The following GPATCH8 variants were observed in gnomAD, a reference collection of about 807,000 sequenced individuals.
GPATCH8 encodes the protein G patch domain-containing protein 8.
Under a neutral mutation model 118.3 loss-of-function variants are expected in GPATCH8, and 18 were observed. The observed-to-expected ratio is 0.15, with a 90% CI of 0.11 to 0.23. The LOEUF is 0.23. GPATCH8 is among the 10% of genes least tolerant of loss of function. GPATCH8 has a pLI of 1.00. For synonymous variants in GPATCH8, 659 were observed against 684.7 expected, an observed-to-expected ratio of 0.96 and a Z score of 0.59; for missense variants, 1,631 against 1,873.8, an observed-to-expected ratio of 0.87 and a Z score of 2.39.
At chr17:44,429,724 C>T (rs532090442) in intron 5 of GPATCH8, among the ~76,000 whole-genome samples, 12 of 149,542 alleles carry the variant, frequency 8.0e-5, no homozygotes, top group African/African-American at 2.9e-4. Flanking sequence ...ACCAGCTGAG[C>T]ATGGTGGCAC....
chr17:44,464,558 C>G lies in GPATCH8; in HGVS notation c.121-14G>C. On this transcript the variant is annotated splice_polypyrimidine_tract_variant and intron_variant, in intron 2 of 7. Coordinates refer to ENST00000591680, the MANE Select transcript of GPATCH8 (RefSeq NM_001002909.4). ...TCCAATATTATCCTGACAGACAGAA[C>G]AGAGAGACAAACCAAAAATATTCCA... 1 of 1,537,780 alleles carries G rather than the reference C, an allele frequency of 6.5e-7. No individual in the cohort carries two copies. The highest frequency in any genetic ancestry group is 9.0e-7 in the Non-Finnish European group (1 of 1,111,796).
intron 1 of GPATCH8, among the ~76,000 whole-genome samples, chr17:44,497,242 A>G (rs1969723156): frequency 1.3e-5 from 2 of 152,222 alleles, no homozygotes; most frequent in Non-Finnish European, 1.5e-5. Context: ...AAAACTTTAC[A>G]TAGGTTTCTG....
rs754711234 is a variant in GPATCH8 at position 44,398,967 on chromosome 17, T to C, written c.3110A>G (p.His1037Arg). Residue 1037 changes from histidine to arginine, a missense_variant, in exon 8 of 8, where the codon CAC (histidine) becomes CGC (arginine). Physicochemically the swap from His to Arg is conservative, Grantham distance 29 (BLOSUM62 0). Coordinates refer to ENST00000591680, the MANE Select transcript of GPATCH8 (RefSeq NM_001002909.4). The stretch of plus-strand genomic sequence containing the variant: ...TTCTCCCCGGCCTGATCGGAAATAG[T>C]GGGGGGACTGGGAGCGGTAGATCTT... Reference protein sequence around the residue: ...RSKIYRSQSPHYFRSGRGEGP... With the variant: ...RSKIYRSQSPRYFRSGRGEGP... 5 of 1,613,990 alleles carry C rather than the reference T, an allele frequency of 3.1e-6. No individual in the cohort carries two copies. The Admixed American group carries it at 8.3e-5, about 27-fold the overall frequency.
Position 44,398,028 on chromosome 17 carries a change from G to A in GPATCH8, c.4049C>T (p.Ala1350Val), listed in dbSNP as rs1415375080. ...GGGTTGCAGGGCTGGTGTGGCTGGG[G>A]CCAGGGCAGCTGAGGCTGGAAAGGC... Reference protein sequence around the residue: ...VKAFPASAALAPATPALQPIH... With the variant: ...VKAFPASAALVPATPALQPIH... Residue 1350 changes from alanine (A) to valine (V), a missense_variant, in exon 8 of 8, where the codon GCC (alanine) becomes GTC (valine). Physicochemically the swap from Ala to Val is moderately conservative, Grantham distance 64. Around this residue, in one of 8 missense-constraint regions of GPATCH8, gnomAD observed 111 missense variants for 112.4 expected, o/e 0.99. Transcript: ENST00000591680. The A allele has an allele frequency of 6.2e-7, 1 of 1,613,956 alleles. No individual in the cohort carries two copies. Among genetic ancestry groups the A allele is most frequent in the East Asian group, 2.2e-5 (1 of 44,872 alleles).
intron 3 of GPATCH8, among the ~76,000 whole-genome samples, chr17:44,454,030 T>A (rs765900482): frequency 2.0e-5 from 3 of 152,216 alleles, no homozygotes; most frequent in Non-Finnish European, 4.4e-5. Context: ...CTACTCTTTG[T>A]CAACTGCAAT....
chr17:44,480,117 G>A (rs1051763436), intron 1 of GPATCH8, among the ~76,000 whole-genome samples: 3 of 151,740 alleles, frequency 2.0e-5, no homozygotes, highest in Non-Finnish European at 4.4e-5. Context: ...TCTCAAAAGA[G>A]GGGAAAAAAA....
At chr17:44,437,290 AATTG>A (rs2050545444) in intron 3 of GPATCH8, among the ~76,000 whole-genome samples, 1 of 152,182 alleles carries the variant, frequency 6.6e-6, no homozygotes, top group African/African-American at 2.4e-5. Context: ...ACTTTAAACT[AATTG>A]ATCTATGCTG....
intron 1 of GPATCH8, among the ~76,000 whole-genome samples, chr17:44,500,320 T>C (rs1244328968): frequency 1.2e-4 from 18 of 152,198 alleles, no homozygotes; most frequent in Admixed American, 1.2e-3. Flanking sequence ...TAACAGTACC[T>C]ACCTCGTAGG....
At chr17:44,464,334 A>G (rs929663720) in intron 3 of GPATCH8, 138 bp downstream of exon 3, 3 of 750,684 alleles carry the variant, frequency 4.0e-6, no homozygotes, top group Non-Finnish European at 2.5e-6. Flanking sequence ...TTATAGGACA[A>G]ACAGACTACT....
chr17:44,471,312 A>G (rs1432088057), intron 2 of GPATCH8, among the ~76,000 whole-genome samples: 1 of 152,244 alleles, frequency 6.6e-6, no homozygotes, highest in African/African-American at 2.4e-5. Context: ...GAAGTTCACT[A>G]AAAGCATAAT....
chr17:44,480,531 C>T (rs1021115066), intron 1 of GPATCH8, among the ~76,000 whole-genome samples: 2 of 152,044 alleles, frequency 1.3e-5, no homozygotes, highest in Non-Finnish European at 2.9e-5. Context: ...GCCTGACCAA[C>T]ATGGAGAAAC....
At chr17:44,483,180 T>A (rs932579245) in intron 1 of GPATCH8, among the ~76,000 whole-genome samples, 909 of 10,476 alleles carry the variant, frequency 0.087, 80 homozygotes, top group Non-Finnish European at 0.1. Flanking sequence ...AAAAAAAATA[T>A]ATATATATAT....
chr17:44,398,717 C>A lies in GPATCH8; in HGVS notation c.3360G>T (p.Gly1120=). The change falls in exon 8 of 8, where the codon GGG becomes GGT. Residue 1120 remains glycine, a synonymous_variant. Transcript: ENST00000591680. ...EEVQATPNKA[G]PKLKDPPQGY... ...CTTGTGGGGGGTCCTTGAGCTTGGG[C>A]CCAGCTTTATTAGGGGTGGCCTGCA... is the stretch of plus-strand genomic sequence containing the variant. The A allele has an allele frequency of 6.2e-7, 1 of 1,605,664 alleles. No individual in the cohort carries two copies. The highest frequency in any genetic ancestry group is 8.5e-7 in the Non-Finnish European group (1 of 1,174,566).
At chr17:44,428,929 C>T (rs2050190366) in intron 5 of GPATCH8, among the ~76,000 whole-genome samples, 3 of 151,888 alleles carry the variant, frequency 2.0e-5, no homozygotes, top group African/African-American at 4.8e-5. Context: ...TTCACGAGGT[C>T]AGGAGATCGA....
Position 44,398,509 on chromosome 17 carries a change from CAAA to C in GPATCH8, c.3565_3567del (p.Phe1189del). ...GTTTCCTCTGAAGGGAACTGATGCCCAAATAGGGCATCACTACTCCCTGGGGGC... is the reference window on the plus strand; with the variant it reads ...GTTTCCTCTGAAGGGAACTGATGCCCTAGGGCATCACTACTCCCTGGGGGC... On this transcript the variant is annotated inframe_deletion, in exon 8 of 8. Coordinates refer to ENST00000591680, the MANE Select transcript of GPATCH8 (RefSeq NM_001002909.4). 3 of 1,602,868 alleles carry C rather than the reference CAAA, an allele frequency of 1.9e-6. No homozygotes were observed. The highest frequency in any genetic ancestry group is 2.6e-6 in the Non-Finnish European group (3 of 1,174,784).
At chr17:44,450,930 A>T (rs2051090294) in intron 3 of GPATCH8, among the ~76,000 whole-genome samples, 2 of 152,158 alleles carry the variant, frequency 1.3e-5, no homozygotes, top group South Asian at 4.1e-4. Flanking sequence ...AAAAATTTGA[A>T]ATTATAACTT....
chr17:44,466,976 T>G (rs2051793810), intron 2 of GPATCH8: 1 of 319,052 alleles, frequency 3.1e-6, no homozygotes, highest in African/African-American at 2.1e-5. Context: ...TTTGGCTAAG[T>G]GGAGATGAGA....
Position 44,474,899 on chromosome 17 carries a change from T to C in GPATCH8, c.50A>G (p.Asn17Ser). 3 of 1,513,474 alleles carry C rather than the reference T, an allele frequency of 2.0e-6. No individual in the cohort carries two copies. The highest frequency in any genetic ancestry group is 2.3e-5 in the East Asian group (1 of 44,354). The allele number at this position is 1,513,474 out of a possible 1,614,324, so 93.8% of individuals were successfully genotyped here. Residue 17 changes from asparagine (N) to serine (S), a missense_variant, in exon 2 of 8, where the codon AAT becomes AGT. This residue lies in a region of GPATCH8 where 28 missense variants were observed against 33.9 expected (regional missense o/e 0.83). Transcript: ENST00000591680. ...RFNEDRDFQG[N>S]HFDQYEEGHL... ...TCCTTCCTCATACTGATCAAAGTGA[T>C]TACCCTGAAAAAAGATGATTACAGT...
Position 44,398,517 on chromosome 17 carries a change from G to A in GPATCH8, c.3560C>T (p.Ala1187Val), listed in dbSNP as rs949919910. 1.0e-5 allele frequency: 16 copies of A among 1,601,174 alleles called. No individual in the cohort carries two copies. The Admixed American group carries it at 2.2e-4, about 22-fold the overall frequency. ...TEEGPPGSSD[A>V]LFGHQFPSEE... ...TGAAGGGAACTGATGCCCAAATAGG[G>A]CATCACTACTCCCTGGGGGCCCCTC... Residue 1187 changes from alanine to valine, a missense_variant, in exon 8 of 8, where the codon GCC becomes GTC. Ala to Val is a moderately conservative substitution (Grantham distance 64). Transcript: ENST00000591680.
Sources: allele counts gnomAD v4.1 joint callset (sites outside exome capture counted in the v4.1 genomes callset), GRCh38; gene constraint gnomAD v4.1.1; regional missense constraint gnomAD v4.1.1; transcripts MANE v1.5; gene names NCBI Gene and HGNC (gene_info 2026-07-23, HGNC 2026-07-21).